The following BICD2 variants were observed in gnomAD, a reference collection of about 807,000 sequenced individuals.
BICD2 encodes protein bicaudal D homolog 2.
Under a neutral mutation model 72.9 loss-of-function variants are expected in BICD2, and 25 were observed. The observed-to-expected ratio is 0.34, with a 90% CI of 0.25 to 0.48. BICD2 has a LOEUF of 0.48. Ranked by LOEUF, BICD2 falls within the 20% of genes least tolerant of loss-of-function variation. The pLI is 0.99. For synonymous variants in BICD2, 501 were observed against 516.1 expected, an observed-to-expected ratio of 0.97 and a Z score of 0.40; for missense variants, 894 against 1,175.2, an observed-to-expected ratio of 0.76 and a Z score of 3.50.
chr9:92,727,468 G>A (rs914512634), intron 2 of BICD2, among the ~76,000 whole-genome samples: 1 of 152,166 alleles, frequency 6.6e-6, no homozygotes, highest in Admixed American at 6.5e-5. Flanking sequence ...ATAAGGCCTT[G>A]CCCAGGCCCC....
At chr9:92,748,856 T>C (rs975988088) in intron 1 of BICD2, among the ~76,000 whole-genome samples, 1 of 152,134 alleles carries the variant, frequency 6.6e-6, no homozygotes, top group African/African-American at 2.4e-5. Flanking sequence ...ATTGTTCCCT[T>C]TCATGGGTGA....
At chr9:92,753,356 G>A (rs1393515838) in intron 1 of BICD2, among the ~76,000 whole-genome samples, 2 of 152,186 alleles carry the variant, frequency 1.3e-5, no homozygotes, top group South Asian at 2.1e-4. Flanking sequence ...ATAATGCCAT[G>A]ATATTGGTTC....
At position 92,711,819 on chromosome 9, in the gene BICD2, CTTTTAT is replaced by C. The variant is rs968198235; in HGVS notation, c.*3329_*3334del. On this transcript the variant is annotated 3_prime_UTR_variant, in exon 7 of 7. Transcript: ENST00000356884. ...AATGCTTATTCCAGGAAACAGAATT[CTTTTAT>C]TTTTGTCATTTATATTATTATAATT... 3 of 152,378 alleles carry C rather than the reference CTTTTAT, an allele frequency of 2.0e-5. No homozygotes were observed. Among genetic ancestry groups the C allele is most frequent in the African/African-American group, 7.2e-5 (3 of 41,388 alleles). The allele number at this position is 152,378 out of a possible 1,614,324, so 9.4% of individuals were successfully genotyped here.
At chr9:92,751,956 C>G (rs575096145) in intron 1 of BICD2, among the ~76,000 whole-genome samples, 6 of 152,092 alleles carry the variant, frequency 3.9e-5, no homozygotes, top group Admixed American at 1.3e-4. Flanking sequence ...AGGCGCCCAC[C>G]ACCACGAACA....
chr9:92,722,372 G>T (rs961983541), intron 3 of BICD2, among the ~76,000 whole-genome samples: 1 of 152,210 alleles, frequency 6.6e-6, no homozygotes, highest in African/African-American at 2.4e-5. Flanking sequence ...GGGTTTTCTG[G>T]TGTAACCTCT....
Position 92,758,809 on chromosome 9 carries a change from G to A in BICD2, c.240+5696C>T, listed in dbSNP as rs578219389. Among the ~76,000 whole-genome samples, 6 of 151,666 alleles carry A rather than the reference G, an allele frequency of 4.0e-5. No individual in the cohort carries two copies. The South Asian group carries it at 1.0e-3, about 26-fold the overall frequency. On this transcript the variant is annotated intron_variant, in intron 1 of 6. Transcript: ENST00000356884. ...GCGGAGGTTGTGGTGAGCCAAGATC[G>A]CGCCATTGCACTCCAGCCTGGGCAA...
intron 6 of BICD2, 103 bp from the exon 7 acceptor site, chr9:92,715,566 G>A (rs947504623): frequency 1.0e-5 from 12 of 1,189,060 alleles, no homozygotes; most frequent in Middle Eastern, 2.0e-4. Context: ...CCCTATACCA[G>A]AGCCATCCTT....
chr9:92,757,192 T>C (rs1410644674), intron 1 of BICD2, among the ~76,000 whole-genome samples: 1 of 151,800 alleles, frequency 6.6e-6, no homozygotes, highest in East Asian at 1.9e-4. Flanking sequence ...TGTGCACCTA[T>C]GGTCCCAGCT....
chr9:92,764,248 C>A lies in BICD2; in HGVS notation c.240+257G>T, dbSNP rs1482920363. The stretch of plus-strand genomic sequence containing the variant: ...CCCGCCGGGGCCGCCCAGGTCCGCA[C>A]AGAAGCAGGCGGGCAGCTGCAGGAG... On this transcript the variant is annotated intron_variant, in intron 1 of 6. Coordinates refer to ENST00000356884, the MANE Select transcript of BICD2 (RefSeq NM_001003800.2). This position sits in a 1 kb window ranked among gnomAD's most constrained non-coding sequence, Gnocchi z 5.5. Among the ~76,000 whole-genome samples the A allele has an allele frequency of 6.6e-6, 1 of 152,160 alleles. No individual in the cohort carries two copies. Among genetic ancestry groups the A allele is most frequent in the Non-Finnish European group, 1.5e-5 (1 of 67,998 alleles).
At chr9:92,751,590 A>G (rs1854150492) in intron 1 of BICD2, among the ~76,000 whole-genome samples, 3 of 152,196 alleles carry the variant, frequency 2.0e-5, no homozygotes, top group African/African-American at 7.2e-5. Context: ...TGTGAACTGG[A>G]ATGAAACAAT....
At chr9:92,734,245 C>T (rs894353192) in intron 1 of BICD2, among the ~76,000 whole-genome samples, 10 of 152,176 alleles carry the variant, frequency 6.6e-5, no homozygotes, top group Admixed American at 5.2e-4. Flanking sequence ...GGCACAGTGG[C>T]TCATGCCTGT....
chr9:92,729,359 T>TCCCTTCAGGCCCACA, intron 1 of BICD2, 123 bp from the exon 2 acceptor site: 2 of 1,043,648 alleles, frequency 1.9e-6, no homozygotes, highest in Non-Finnish European at 2.8e-6. Flanking sequence ...ACTGTGGGCC[T>TCCCTTCAGGCCCACA]GAAGGGAGGC....
At chr9:92,747,507 G>A (rs1324835096) in intron 1 of BICD2, among the ~76,000 whole-genome samples, 5 of 152,166 alleles carry the variant, frequency 3.3e-5, no homozygotes, top group African/African-American at 9.7e-5. Context: ...GGGGTCACCA[G>A]GGAGTCAGTA....
At chr9:92,743,280 C>T (rs1235608238) in intron 1 of BICD2, among the ~76,000 whole-genome samples, 1 of 151,968 alleles carries the variant, frequency 6.6e-6, no homozygotes, top group African/African-American at 2.4e-5. Flanking sequence ...TCAGCCTTAA[C>T]CTCCTGGGCC....
At position 92,717,866 on chromosome 9, in the gene BICD2, C is replaced by T. The variant is rs943974428; in HGVS notation, c.2189G>A (p.Arg730His). 2 of 1,613,138 alleles carry T rather than the reference C, an allele frequency of 1.2e-6. No homozygotes were observed. The highest frequency in any genetic ancestry group is 1.7e-6 in the Non-Finnish European group (2 of 1,179,996). Residue 730 changes from arginine (R) to histidine (H), a missense_variant, in exon 6 of 7, where the codon CGC becomes CAC. Around this residue, in one of 5 missense-constraint regions of BICD2, gnomAD observed 321 missense variants for 443.9 expected, o/e 0.72. Coordinates refer to ENST00000356884, the MANE Select transcript of BICD2 (RefSeq NM_001003800.2). ...AMVTETMMKL[R>H]NELKALKEDA... ...CTCCTTGAGGGCCTTGAGCTCATTGCGCAGCTTCATCATGGTCTCGGTAAC... is the reference window on the plus strand; with the variant it reads ...CTCCTTGAGGGCCTTGAGCTCATTGTGCAGCTTCATCATGGTCTCGGTAAC...
chr9:92,733,308 C>T (rs539508896), intron 1 of BICD2, among the ~76,000 whole-genome samples: 14 of 152,084 alleles, frequency 9.2e-5, no homozygotes, highest in Admixed American at 1.3e-4. Context: ...AAGGTCGAGG[C>T]GGGCAGATCA....
rs1214323519 is a variant in BICD2 at position 92,713,139 on chromosome 9, CAT to C, written c.*2013_*2014del. On this transcript the variant is annotated 3_prime_UTR_variant, in exon 7 of 7. Coordinates refer to ENST00000356884, the MANE Select transcript of BICD2 (RefSeq NM_001003800.2). Reference sequence around the variant, plus strand: ...ACAGGTTGATCGGATAAAAAAAGAACATGTGTAACAAGGAGCCCCCGTGGTGG... The same window carrying C: ...ACAGGTTGATCGGATAAAAAAAGAACGTGTAACAAGGAGCCCCCGTGGTGG... 3 of 387,498 alleles carry C rather than the reference CAT, an allele frequency of 7.7e-6. No homozygotes were observed. The highest frequency in any genetic ancestry group is 1.4e-5 in the Non-Finnish European group (3 of 213,322). The allele number at this position is 387,498 out of a possible 1,614,324, so 24.0% of individuals were successfully genotyped here. A position where few individuals can be genotyped will look rare whatever the true frequency, so the allele number is the denominator to read the frequency against.
intron 6 of BICD2, among the ~76,000 whole-genome samples, chr9:92,716,364 A>C (rs1007224461): frequency 2.0e-5 from 3 of 152,222 alleles, no homozygotes; most frequent in Admixed American, 1.3e-4. Flanking sequence ...TACATGCCAG[A>C]TACTGAGAAA....
chr9:92,764,608 T>C lies in BICD2; in HGVS notation c.137A>G (p.Tyr46Cys). Residue 46 changes from tyrosine (Y) to cysteine (C), a missense_variant, in exon 1 of 7, where the codon TAC becomes TGC. Physicochemically the swap from Tyr to Cys is radical, Grantham distance 194 (BLOSUM62 -2). Coordinates refer to ENST00000356884, the MANE Select transcript of BICD2 (RefSeq NM_001003800.2). This position sits in a 1 kb window ranked among gnomAD's most constrained non-coding sequence, Gnocchi z 5.5. ...CTTCTCCTCGAGCACCGCCAGCCCG[T>C]ACTCGGCCGCCTGGATCTTCTCACG... ...TTREKIQAAE[Y>C]GLAVLEEKHQ... 1 of 1,589,138 alleles carries C rather than the reference T, an allele frequency of 6.3e-7. No individual in the cohort carries two copies. Among genetic ancestry groups the C allele is most frequent in the East Asian group, 2.3e-5 (1 of 43,638 alleles).
Sources: gnomAD v4.1 joint callset for allele counts (sites outside exome capture counted in the v4.1 genomes callset) on GRCh38, gnomAD v4.1.1 for gene constraint, gnomAD v4.1.1 regional missense constraint, Gnocchi (gnomAD v3.1) non-coding constraint, MANE v1.5 for transcripts, NCBI Gene and HGNC (gene_info 2026-07-23, HGNC 2026-07-21) for gene names.